The following GSDME variants were observed in gnomAD, a reference collection of about 807,000 sequenced individuals.
The protein encoded by GSDME is gasdermin E.
GSDME carries 44 observed loss-of-function variants against 47.5 expected under a neutral mutation model. The ratio of observed to expected loss-of-function variants is 0.93; its 90% CI spans 0.73 to 1.19. The LOEUF is 1.19. Among genes scored for constraint, GSDME ranks in the 50% most tolerant of loss-of-function variants. GSDME has a pLI of 0.00. For missense variants in GSDME, 663 were observed against 604.2 expected, an observed-to-expected ratio of 1.10 and a Z score of -1.02; for synonymous variants, 258 against 252.8, an observed-to-expected ratio of 1.02 and a Z score of -0.20.
Position 24,717,392 on chromosome 7 carries a change from C to T in GSDME, c.577-18G>A. 6.2e-7 allele frequency: 1 copy of T among 1,614,156 alleles called. No individual in the cohort carries two copies. Among genetic ancestry groups the T allele is most frequent in the Non-Finnish European group, 8.5e-7 (1 of 1,180,032 alleles). Reference sequence around the variant, plus strand: ...GCTGACACCTGTGGGCAAAAGCGCACACTCCCACCTGTGCACTCGGGCTCT... The same window carrying T: ...GCTGACACCTGTGGGCAAAAGCGCATACTCCCACCTGTGCACTCGGGCTCT... On this transcript the variant is annotated intron_variant, in intron 4 of 9. Coordinates refer to ENST00000645220, the MANE Select transcript of GSDME (RefSeq NM_001127453.2).
rs945234122 is a variant in GSDME at position 24,725,688 on chromosome 7, T to C, written c.405-6470A>G. Among the ~76,000 whole-genome samples the C allele has an allele frequency of 1.3e-5, 2 of 152,190 alleles. No individual in the cohort carries two copies. The highest frequency in any genetic ancestry group is 4.8e-5 in the African/African-American group (2 of 41,438). On this transcript the variant is annotated intron_variant, in intron 3 of 9. Transcript: ENST00000645220. This position sits in a 1 kb window ranked among gnomAD's most constrained non-coding sequence, Gnocchi z 5.1. Reference sequence around the variant, plus strand: ...TAGGATGGGGATTTTCACAGTGCTTTTCTATACAGTGTCTGTAATGTATAG... The same window carrying C: ...TAGGATGGGGATTTTCACAGTGCTTCTCTATACAGTGTCTGTAATGTATAG...
At chr7:24,722,612 ACT>A (rs1363607139) in intron 3 of GSDME, among the ~76,000 whole-genome samples, 24 of 152,082 alleles carry the variant, frequency 1.6e-4, no homozygotes, top group Admixed American at 1.6e-3. Flanking sequence ...GTCTGATGTG[ACT>A]CTGCTGGATT....
Position 24,732,310 on chromosome 7 carries a change from G to T in GSDME, c.404+12252C>A, listed in dbSNP as rs183493677. 6.6e-6 allele frequency among the ~76,000 whole-genome samples: 1 copy of T among 152,302 alleles called. No individual in the cohort carries two copies. The highest frequency in any genetic ancestry group is 1.9e-4 in the East Asian group (1 of 5,184). On this transcript the variant is annotated intron_variant, in intron 3 of 9. Transcript: ENST00000645220. This position sits in a 1 kb window ranked among gnomAD's most constrained non-coding sequence, Gnocchi z 4.8. ...TTCAAACTTTGTTTTTTCCAAGAAAGACATGGCTCCTCAAATCTTTCTCCT... is the reference window on the plus strand; with the variant it reads ...TTCAAACTTTGTTTTTTCCAAGAAATACATGGCTCCTCAAATCTTTCTCCT...
intron 7 of GSDME, chr7:24,707,748 C>T (rs1335740388): frequency 4.5e-6 from 2 of 442,060 alleles, no homozygotes; most frequent in Non-Finnish European, 8.1e-6. Context: ...GTGCTGCTGC[C>T]ATGAGCCAGG....
chr7:24,771,092 G>C, the GSDME span, among the ~76,000 whole-genome samples: 10 of 152,004 alleles, frequency 6.6e-5, no homozygotes. This position sits in a 1 kb window ranked among gnomAD's most constrained non-coding sequence, Gnocchi z 4.1. Flanking sequence ...ACTAAAGCTA[G>C]GCGTATCGTA....
intron 1 of GSDME, among the ~76,000 whole-genome samples, chr7:24,755,283 C>T (rs1472737202): frequency 6.6e-6 from 1 of 152,184 alleles, no homozygotes. Flanking sequence ...ACGTTCAAAG[C>T]ACAAAAATGA....
rs191819847 is a variant in GSDME at position 24,739,771 on chromosome 7, G to A, written c.404+4791C>T. Among the ~76,000 whole-genome samples, 17 of 152,160 alleles carry A rather than the reference G, an allele frequency of 1.1e-4. No individual in the cohort carries two copies. Among genetic ancestry groups the A allele is most frequent in the Non-Finnish European group, 2.1e-4 (14 of 67,990 alleles). On this transcript the variant is annotated intron_variant, in intron 3 of 9. Transcript: ENST00000645220. The surrounding 1 kb of genome is among the most constrained non-coding windows in gnomAD (Gnocchi z 5.1). The stretch of plus-strand genomic sequence containing the variant: ...TAAAGAAAATGTGGTAAATATACAC[G>A]ATAGAGTACTATTTAGTCATTAAAA...
At chr7:24,709,541 C>T (rs1409748095) in intron 6 of GSDME, among the ~76,000 whole-genome samples, 1 of 151,778 alleles carries the variant, frequency 6.6e-6, no homozygotes, top group Non-Finnish European at 1.5e-5. Context: ...GCTTACCCTC[C>T]AAGCCAGCGC....
rs1049330968 is a variant in GSDME at position 24,712,802 on chromosome 7, T to A, written c.698-2414A>T. ...GGGAGGTCGAGGCGGGCGGATCACC[T>A]GAGGTCAGGAGTTTGAGACCAGCCT... On this transcript the variant is annotated intron_variant, in intron 5 of 9. Transcript: ENST00000645220. This position sits in a 1 kb window ranked among gnomAD's most constrained non-coding sequence, Gnocchi z 4.4. Among the ~76,000 whole-genome samples the A allele has an allele frequency of 3.9e-5, 6 of 152,174 alleles. No individual in the cohort carries two copies. Among genetic ancestry groups the A allele is most frequent in the Non-Finnish European group, 8.8e-5 (6 of 68,032 alleles).
the GSDME span, among the ~76,000 whole-genome samples, chr7:24,794,817 G>A: frequency 6.6e-6 from 1 of 152,114 alleles, no homozygotes; most frequent in Non-Finnish European, 1.5e-5. Flanking sequence ...AAGGCAAAAA[G>A]GGGCAAAAAG....
chr7:24,746,761 G>C (rs1029500988), intron 2 of GSDME, among the ~76,000 whole-genome samples: 3 of 152,188 alleles, frequency 2.0e-5, no homozygotes, highest in Admixed American at 2.0e-4. Context: ...GCATCAAGCT[G>C]TCAACTGCTG....
the GSDME span, among the ~76,000 whole-genome samples, chr7:24,772,802 G>A: frequency 1.3e-5 from 2 of 152,284 alleles, no homozygotes; most frequent in Admixed American, 6.5e-5. This position sits in a 1 kb window ranked among gnomAD's most constrained non-coding sequence, Gnocchi z 4.5. Flanking sequence ...ACTTAGAAAG[G>A]TATTTCTTTC....
upstream of GSDME, among the ~76,000 whole-genome samples, chr7:24,760,322 A>G (rs974870572): frequency 6.6e-6 from 1 of 152,182 alleles, no homozygotes; most frequent in Non-Finnish European, 1.5e-5. The surrounding 1 kb of genome is among the most constrained non-coding windows in gnomAD (Gnocchi z 4.2). Context: ...GGCTGCCATA[A>G]TTGCTTCCTA....
At chr7:24,772,021 C>T in the GSDME span, among the ~76,000 whole-genome samples, 6 of 152,168 alleles carry the variant, frequency 3.9e-5, no homozygotes, top group Admixed American at 2.0e-4. This position sits in a 1 kb window ranked among gnomAD's most constrained non-coding sequence, Gnocchi z 4.5. Context: ...TGAGGGCTGC[C>T]GGCAGAAATA....
At position 24,737,010 on chromosome 7, in the gene GSDME, C is replaced by A. The variant is rs187929328; in HGVS notation, c.404+7552G>T. ...CAAAACCTATGGGGTACATCAAAAG[C>A]AGTACTAAGAGGAAGTTTATAGCTG... On this transcript the variant is annotated intron_variant, in intron 3 of 9. Transcript: ENST00000645220. 5.1e-3 allele frequency among the ~76,000 whole-genome samples: 781 copies of A among 151,982 alleles called. 3 individuals carry two copies. The highest frequency in any genetic ancestry group is 0.018 in the African/African-American group (740 of 41,482).
rs746092419 is a variant in GSDME at position 24,717,263 on chromosome 7, C to T, written c.688G>A (p.Gly230Ser). The stretch of plus-strand genomic sequence containing the variant: ...AGGAGGTGGCACTCACCGAACTGGC[C>T]GTCCAGTTTCACGTATAACTCAATG... ...GVIELYVKLDGQFEFCLLRGK... is the reference protein window; with the variant it reads ...GVIELYVKLDSQFEFCLLRGK... Residue 230 changes from glycine (G) to serine (S), a missense_variant, in exon 5 of 10, where the codon GGC becomes AGC. Transcript: ENST00000645220. 1.1e-5 allele frequency: 18 copies of T among 1,612,724 alleles called. No homozygotes were observed. Among genetic ancestry groups the T allele is most frequent in the Middle Eastern group, 1.7e-4 (1 of 6,056 alleles).
rs1361645427 is a variant in GSDME at position 24,706,328 on chromosome 7, C to T, written c.1039G>A (p.Glu347Lys). ...TCCTGCTGCTGCCGGGGCTTCAGCT[C>T]CCCCAGCACCGCCACTGTGGGCGAG... is the stretch of plus-strand genomic sequence containing the variant. ...GLSPTVAVLG[E>K]LKPRQQQDLV... The change falls in exon 8 of 10, where the codon GAG becomes AAG. Residue 347 changes from glutamate to lysine, a missense_variant. Physicochemically the swap from Glu to Lys is moderately conservative, Grantham distance 56. Coordinates refer to ENST00000645220, the MANE Select transcript of GSDME (RefSeq NM_001127453.2). The T allele has an allele frequency of 6.8e-6, 11 of 1,613,262 alleles. No homozygotes were observed. The highest frequency in any genetic ancestry group is 1.3e-5 in the African/African-American group (1 of 74,906).
At position 24,742,594 on chromosome 7, in the gene GSDME, G is replaced by C. The variant is rs1018513371; in HGVS notation, c.404+1968C>G. ...CCTTTTAGCAAGAGCTTTTACACCT[G>C]AATCATGGTGTTTAAAAACCTATAT... is the stretch of plus-strand genomic sequence containing the variant. On this transcript the variant is annotated intron_variant, in intron 3 of 9. Coordinates refer to ENST00000645220, the MANE Select transcript of GSDME (RefSeq NM_001127453.2). The surrounding 1 kb of genome is among the most constrained non-coding windows in gnomAD (Gnocchi z 4.4). 8.5e-5 allele frequency among the ~76,000 whole-genome samples: 13 copies of C among 152,162 alleles called. No homozygotes were observed. The highest frequency in any genetic ancestry group is 3.1e-4 in the African/African-American group (13 of 41,426).
At position 24,756,457 on chromosome 7, in the gene GSDME, A is replaced by T. The variant is rs1445662984; in HGVS notation, c.-20+939T>A. ...ATGGTCTGGGCTCAACTTCTCCTTT[A>T]GAAAAAGAGCTTGGTGGTGGTAGAT... On this transcript the variant is annotated intron_variant, in intron 1 of 9. Coordinates refer to ENST00000645220, the MANE Select transcript of GSDME (RefSeq NM_001127453.2). The surrounding 1 kb of genome is among the most constrained non-coding windows in gnomAD (Gnocchi z 4.2). Among the ~76,000 whole-genome samples the T allele has an allele frequency of 3.3e-5, 5 of 152,184 alleles. No individual in the cohort carries two copies. Among genetic ancestry groups the T allele is most frequent in the African/African-American group, 1.2e-4 (5 of 41,454 alleles).
Sources: allele counts gnomAD v4.1 joint callset (sites outside exome capture counted in the v4.1 genomes callset), GRCh38; gene constraint gnomAD v4.1.1; non-coding constraint Gnocchi (gnomAD v3.1); transcripts MANE v1.5; gene names NCBI Gene and HGNC (gene_info 2026-07-23, HGNC 2026-07-21).